The following FRMD5 variants were observed in gnomAD, a reference collection of about 807,000 sequenced individuals.
The protein encoded by FRMD5 is FERM domain-containing protein 5.
FRMD5 carries 20 observed loss-of-function variants against 69.0 expected under a neutral mutation model. The ratio of observed to expected loss-of-function variants is 0.29; its 90% CI spans 0.20 to 0.42. The LOEUF is 0.42. Ranked by LOEUF, FRMD5 falls within the 10% of genes least tolerant of loss-of-function variation. FRMD5 has a pLI of 1.00. For missense variants in FRMD5, 595 were observed against 708.6 expected (o/e 0.84, Z 1.82); for synonymous variants, 271 against 260.1 (o/e 1.04, Z -0.40).
intron 13 of FRMD5, among the ~76,000 whole-genome samples, chr15:43,878,154 C>T (rs562878065): frequency 3.3e-5 from 5 of 152,258 alleles, no homozygotes; most frequent in Non-Finnish European, 5.9e-5. Flanking sequence ...AGGCATGTGC[C>T]ACCACGCCTA....
intron 1 of FRMD5, among the ~76,000 whole-genome samples, chr15:44,006,982 G>C (rs527530004): frequency 6.6e-6 from 1 of 152,290 alleles, no homozygotes; most frequent in Admixed American, 6.5e-5. Context: ...ATGCTACAGA[G>C]AAATCTTTCA....
chr15:44,181,780 C>T (rs1417793019), intron 1 of FRMD5, among the ~76,000 whole-genome samples: 5 of 152,002 alleles, frequency 3.3e-5, no homozygotes, highest in Admixed American at 1.3e-4. Flanking sequence ...GTGGCATGCA[C>T]CTGTAGTCCC....
At chr15:44,003,362 T>C (rs1890296956) in intron 1 of FRMD5, among the ~76,000 whole-genome samples, 1 of 152,182 alleles carries the variant, frequency 6.6e-6, no homozygotes, top group Non-Finnish European at 1.5e-5. Context: ...AGGGTAGTGC[T>C]TTTAAAAATG....
intron 1 of FRMD5, among the ~76,000 whole-genome samples, chr15:44,023,043 C>T (rs1891280443): frequency 6.6e-6 from 1 of 152,018 alleles, no homozygotes. Context: ...GTGAGAGGAG[C>T]TCAGAGGTCC....
At chr15:44,131,484 G>A (rs2077096744) in intron 1 of FRMD5, among the ~76,000 whole-genome samples, 2 of 152,132 alleles carry the variant, frequency 1.3e-5, no homozygotes, top group African/African-American at 4.8e-5. Flanking sequence ...AGAGATATCT[G>A]TATACCCATG....
rs868633489 is a variant in FRMD5 at position 43,875,815 on chromosome 15, T to G, written c.1136-1353A>C. 19 of 374,272 alleles carry G rather than the reference T, an allele frequency of 5.1e-5. No homozygotes were observed. In the Admixed American group the frequency reaches 6.2e-4, roughly 12 times the overall value. The allele number at this position is 374,272 out of a possible 1,614,324, so 23.2% of individuals were successfully genotyped here. A position where few individuals can be genotyped will look rare whatever the true frequency, so the allele number is the denominator to read the frequency against. ...GTGTCCTGGGCCTAGTTTTTTTTTT[T>G]TTTTTTTTTTTTCTTTCAGTCTTTC... is the stretch of plus-strand genomic sequence containing the variant. On this transcript the variant is annotated intron_variant, in intron 13 of 13. Transcript: ENST00000417257.
chr15:43,886,454 G>A (rs919050508), intron 10 of FRMD5, among the ~76,000 whole-genome samples: 5 of 152,140 alleles, frequency 3.3e-5, no homozygotes, highest in East Asian at 3.9e-4. Context: ...GCAGACAGCC[G>A]ATGTGGAGCT....
At chr15:44,193,183 A>T (rs2078224958) in intron 1 of FRMD5, among the ~76,000 whole-genome samples, 1 of 152,184 alleles carries the variant, frequency 6.6e-6, no homozygotes, top group Non-Finnish European at 1.5e-5. Flanking sequence ...CGAAATGGTG[A>T]TGTGAATTGT....
intron 1 of FRMD5, 65 bp from the exon 2 acceptor site, chr15:43,924,374 T>TA (rs397807961): frequency 8.6e-6 from 10 of 1,166,718 alleles, no homozygotes; most frequent in African/African-American, 6.2e-5. Flanking sequence ...TTTTTTTTTT[T>TA]ATAGCCATTA....
chr15:43,955,965 T>C (rs1375421823), intron 1 of FRMD5, among the ~76,000 whole-genome samples: 1 of 152,182 alleles, frequency 6.6e-6, no homozygotes, highest in Non-Finnish European at 1.5e-5. Context: ...AAGTAACTAG[T>C]ACATGCAAAC....
chr15:43,972,655 C>G (rs925075193), intron 1 of FRMD5, among the ~76,000 whole-genome samples: 4 of 152,170 alleles, frequency 2.6e-5, no homozygotes, highest in Admixed American at 2.6e-4. Context: ...AATAACTAAC[C>G]TATACAACTG....
At chr15:44,160,679 T>C (rs886668627) in intron 1 of FRMD5, among the ~76,000 whole-genome samples, 1 of 152,234 alleles carries the variant, frequency 6.6e-6, no homozygotes, top group Non-Finnish European at 1.5e-5. Flanking sequence ...CCACCTATTG[T>C]TGGATGCTTA....
chr15:43,914,478 T>TATCCATCATCC (rs998741350), intron 4 of FRMD5, among the ~76,000 whole-genome samples: 2 of 152,162 alleles, frequency 1.3e-5, no homozygotes, highest in Non-Finnish European at 2.9e-5. Context: ...CTTATCCATC[T>TATCCATCATCC]ATCCATCATC....
At chr15:44,152,387 A>C (rs184545422) in intron 1 of FRMD5, among the ~76,000 whole-genome samples, 108 of 152,344 alleles carry the variant, frequency 7.1e-4, no homozygotes, top group African/African-American at 2.5e-3. Context: ...CAATGTGCAA[A>C]TACATAAATA....
intron 1 of FRMD5, among the ~76,000 whole-genome samples, chr15:44,027,046 G>A (rs772803511): frequency 2.6e-5 from 4 of 152,130 alleles, no homozygotes; most frequent in Non-Finnish European, 5.9e-5. Flanking sequence ...GAGCTATATC[G>A]CTTGCATCCA....
chr15:43,901,428 A>G (rs749301771), intron 7 of FRMD5, among the ~76,000 whole-genome samples: 6 of 152,220 alleles, frequency 3.9e-5, no homozygotes, highest in Non-Finnish European at 5.9e-5. Flanking sequence ...TGCTTCCTTC[A>G]GATCAGCTTG....
chr15:44,049,980 T>C (rs573341628), intron 1 of FRMD5, among the ~76,000 whole-genome samples: 2 of 152,338 alleles, frequency 1.3e-5, no homozygotes, highest in Admixed American at 1.3e-4. Context: ...AATAATCTTC[T>C]TGTGGGCAGG....
chr15:44,162,971 G>A (rs1233263407), intron 1 of FRMD5, among the ~76,000 whole-genome samples: 2 of 150,886 alleles, frequency 1.3e-5, no homozygotes, highest in Non-Finnish European at 2.9e-5. Flanking sequence ...TCAGGAGATC[G>A]AGACCATCCT....
At chr15:44,010,789 C>T (rs1890683138) in intron 1 of FRMD5, among the ~76,000 whole-genome samples, 1 of 152,042 alleles carries the variant, frequency 6.6e-6, no homozygotes, top group African/African-American at 2.4e-5. Flanking sequence ...AACATGAATA[C>T]AACAGGGAAC....
Sources: gnomAD v4.1 joint callset for allele counts (sites outside exome capture counted in the v4.1 genomes callset) on GRCh38, gnomAD v4.1.1 for gene constraint, MANE v1.5 for transcripts, NCBI Gene and HGNC (gene_info 2026-07-23, HGNC 2026-07-21) for gene names.